The following DTNA variants were observed in gnomAD, a reference collection of about 807,000 sequenced individuals.
DTNA encodes dystrophin-related protein 3.
A neutral mutation model predicts 100.7 loss-of-function variants in DTNA; 43 were observed. The ratio of observed to expected loss-of-function variants is 0.43; its 90% confidence interval spans 0.33 to 0.55. The LOEUF (loss-of-function observed/expected upper bound fraction) is 0.55, where lower values mean the gene tolerates loss of function less well. DTNA is among the 20% of genes least tolerant of loss of function. The pLI is 0.04. For synonymous variants in DTNA, 349 were observed against 347.9 expected (o/e 1.00, Z -0.04); for missense variants, 798 against 953.9 (o/e 0.84, Z 2.15).
At chr18:34,710,748 C>A (rs1194570998) in intron 1 of DTNA, among the ~76,000 whole-genome samples, 1 of 151,978 alleles carries the variant, frequency 6.6e-6, no homozygotes, top group Non-Finnish European at 1.5e-5. Context: ...AATGCAATAA[C>A]TGGTGTCTTC....
At chr18:34,633,548 G>T (rs79848304) in intron 1 of DTNA, among the ~76,000 whole-genome samples, 4 of 152,000 alleles carry the variant, frequency 2.6e-5, no homozygotes, top group Non-Finnish European at 5.9e-5. Context: ...AGAAAAGCAG[G>T]CAGGTCGGGA....
intron 10 of DTNA, chr18:34,829,106 C>G: frequency 6.2e-7 from 1 of 1,614,036 alleles, no homozygotes. Flanking sequence ...CTAAAATATT[C>G]CTATAATACT....
At chr18:34,500,720 T>A (rs1296166791) in intron 1 of DTNA, among the ~76,000 whole-genome samples, 1 of 151,932 alleles carries the variant, frequency 6.6e-6, no homozygotes, top group Non-Finnish European at 1.5e-5. Context: ...TGTATCGGCC[T>A]CCCAAACTGC....
intron 1 of DTNA, among the ~76,000 whole-genome samples, chr18:34,638,342 C>T (rs995404007): frequency 6.6e-5 from 10 of 152,300 alleles, no homozygotes; most frequent in African/African-American, 2.4e-4. Flanking sequence ...CTCCTCACAG[C>T]AATCTGTGAC....
intron 1 of DTNA, among the ~76,000 whole-genome samples, chr18:34,671,319 G>T (rs867641644): frequency 6.6e-6 from 1 of 152,164 alleles, no homozygotes; most frequent in Non-Finnish European, 1.5e-5. Context: ...TTTTCCAGGT[G>T]CTGTCTGTCA....
At chr18:34,686,266 G>A (rs904940094) in intron 1 of DTNA, among the ~76,000 whole-genome samples, 6 of 149,656 alleles carry the variant, frequency 4.0e-5, no homozygotes, top group Non-Finnish European at 7.4e-5. Context: ...TATGATTTTG[G>A]CTGTGGATTT....
chr18:34,620,463 A>G (rs1346376258), intron 1 of DTNA, among the ~76,000 whole-genome samples: 2 of 152,252 alleles, frequency 1.3e-5, no homozygotes, highest in African/African-American at 4.8e-5. Flanking sequence ...TGTGCGAAAT[A>G]CAGCTTACTC....
chr18:34,803,524 C>T (rs1374084277), intron 4 of DTNA, among the ~76,000 whole-genome samples: 5 of 152,074 alleles, frequency 3.3e-5, no homozygotes, highest in South Asian at 2.1e-4. Flanking sequence ...ATTATTCTCT[C>T]GGATTCATTG....
chr18:34,874,153 A>G (rs1335708447), intron 17 of DTNA, among the ~76,000 whole-genome samples: 1 of 152,238 alleles, frequency 6.6e-6, no homozygotes, highest in Non-Finnish European at 1.5e-5. Context: ...CCCAAAGCAA[A>G]TATCTAAATG....
chr18:34,846,619 G>T (rs1393742358), intron 13 of DTNA, among the ~76,000 whole-genome samples: 1 of 151,938 alleles, frequency 6.6e-6, no homozygotes, highest in Non-Finnish European at 1.5e-5. Flanking sequence ...AGGGGTGTAG[G>T]CTAGAGCAGA....
chr18:34,577,739 A>G (rs1033006864), intron 1 of DTNA, among the ~76,000 whole-genome samples: 1 of 152,174 alleles, frequency 6.6e-6, no homozygotes, highest in African/African-American at 2.4e-5. Flanking sequence ...CTCTCATCCC[A>G]TCCAGGTTAC....
At chr18:34,723,044 T>C (rs1256327128) in intron 1 of DTNA, among the ~76,000 whole-genome samples, 1 of 152,188 alleles carries the variant, frequency 6.6e-6, no homozygotes, top group African/African-American at 2.4e-5. Context: ...TTTGAGTAAA[T>C]GTCTATGGGA....
chr18:34,880,839 T>G (rs1306335159), intron 20 of DTNA, among the ~76,000 whole-genome samples: 1 of 152,272 alleles, frequency 6.6e-6, no homozygotes, highest in African/African-American at 2.4e-5. Context: ...TGTCCTTTCT[T>G]CTGTATTCTA....
chr18:34,782,884 A>T (rs2094384378), intron 3 of DTNA, among the ~76,000 whole-genome samples: 1 of 152,138 alleles, frequency 6.6e-6, no homozygotes, highest in Non-Finnish European at 1.5e-5. Context: ...AGAGACAGAA[A>T]GTGGAGGTGA....
At chr18:34,684,670 C>G (rs192592207) in intron 1 of DTNA, among the ~76,000 whole-genome samples, 1 of 151,984 alleles carries the variant, frequency 6.6e-6, no homozygotes, top group Non-Finnish European at 1.5e-5. Context: ...CCCAGTAATA[C>G]GATTGCTAGG....
intron 1 of DTNA, among the ~76,000 whole-genome samples, chr18:34,569,406 AG>A (rs1273221891): frequency 1.3e-5 from 2 of 152,140 alleles, no homozygotes; most frequent in African/African-American, 4.8e-5. Flanking sequence ...AATAAAGATA[AG>A]GGGAACTTTT....
intron 1 of DTNA, among the ~76,000 whole-genome samples, chr18:34,529,086 G>C (rs1490359574): frequency 6.6e-6 from 1 of 152,048 alleles, no homozygotes; most frequent in African/African-American, 2.4e-5. Context: ...GAGCTGCATA[G>C]CCATTATGTC....
At chr18:34,833,769 A>T (rs1481593115) in intron 11 of DTNA, among the ~76,000 whole-genome samples, 1 of 152,126 alleles carries the variant, frequency 6.6e-6, no homozygotes, top group Non-Finnish European at 1.5e-5. Flanking sequence ...TCTCTTTGAA[A>T]CTCAGATTAG....
chr18:34,500,295 T>C (rs2039754110), intron 1 of DTNA, among the ~76,000 whole-genome samples: 1 of 151,890 alleles, frequency 6.6e-6, no homozygotes, highest in African/African-American at 2.4e-5. Context: ...TGAATAATTT[T>C]TAAGCAATTT....
Sources: allele counts gnomAD v4.1 joint callset (sites outside exome capture counted in the v4.1 genomes callset), GRCh38; gene constraint gnomAD v4.1.1; transcripts MANE v1.5; gene names NCBI Gene and HGNC (gene_info 2026-07-23, HGNC 2026-07-21).